Variants in TYW1 observed in about 807,000 individuals in gnomAD.
The protein encoded by TYW1 is tRNA-yW synthesizing protein 1 homolog, also known as S-adenosyl-L-methionine-dependent tRNA 4-demethylwyosine synthase TYW1.
Under a neutral mutation model 96.2 loss-of-function variants are expected in TYW1, and 46 were observed. That is an observed-to-expected ratio of 0.48 (90% confidence interval 0.38 to 0.61). The LOEUF is 0.61. Ranked by LOEUF, TYW1 falls within the 20% of genes least tolerant of loss-of-function variation. The pLI, the probability that TYW1 is intolerant of heterozygous loss-of-function variation, is 0.00. For missense variants in TYW1, 684 were observed against 909.6 expected (o/e 0.75, Z 3.19); for synonymous variants, 274 against 323.0 (o/e 0.85, Z 1.63).
chr7:67,160,287 C>T (rs908884249), intron 13 of TYW1, among the ~76,000 whole-genome samples: 2 of 152,036 alleles, frequency 1.3e-5, no homozygotes, highest in Non-Finnish European at 2.9e-5. Context: ...AAATTGTTTC[C>T]AATTTGTGTC....
intron 15 of TYW1, among the ~76,000 whole-genome samples, chr7:67,205,430 G>C (rs1178736629): frequency 6.6e-6 from 1 of 151,684 alleles, no homozygotes; most frequent in Non-Finnish European, 1.5e-5. Context: ...AGAAGTCCTG[G>C]TTCTCCACTA....
At chr7:67,162,744 A>G (rs1327608602) in intron 13 of TYW1, among the ~76,000 whole-genome samples, 1 of 152,206 alleles carries the variant, frequency 6.6e-6, no homozygotes, top group Non-Finnish European at 1.5e-5. Flanking sequence ...GCTTGAAGTC[A>G]TGGGAGTCTG....
At chr7:67,045,151 T>C (rs1274857880) in intron 7 of TYW1, among the ~76,000 whole-genome samples, 1 of 152,162 alleles carries the variant, frequency 6.6e-6, no homozygotes, top group East Asian at 1.9e-4. Context: ...TGGGTGGTAC[T>C]GTGGTTTCTG....
At chr7:67,091,501 CATGTTTACAT>C (rs897298106) in intron 11 of TYW1, among the ~76,000 whole-genome samples, 2 of 152,130 alleles carry the variant, frequency 1.3e-5, no homozygotes, top group Non-Finnish European at 2.9e-5. Flanking sequence ...CAACGTGGCA[CATGTTTACAT>C]ATGTAACAAA....
chr7:67,029,407 G>T (rs183169083), intron 7 of TYW1, among the ~76,000 whole-genome samples: 1 of 96,264 alleles, frequency 1.0e-5, no homozygotes, highest in African/African-American at 3.9e-5. Flanking sequence ...GTGTGTGTGT[G>T]TGTGTGTGTA....
At chr7:67,008,080 A>T (rs1793664451) in intron 3 of TYW1, among the ~76,000 whole-genome samples, 2 of 152,228 alleles carry the variant, frequency 1.3e-5, no homozygotes, top group Middle Eastern at 3.4e-3. Context: ...GTTCTATAGG[A>T]TGACTCACAG....
At chr7:67,007,954 C>A (rs1212065859) in intron 3 of TYW1, among the ~76,000 whole-genome samples, 6 of 151,994 alleles carry the variant, frequency 3.9e-5, no homozygotes, top group Admixed American at 6.6e-5. Flanking sequence ...TTTTTCTATA[C>A]CAGTTCTCAT....
intron 10 of TYW1, among the ~76,000 whole-genome samples, chr7:67,075,143 T>C (rs73134268): frequency 0.029 from 4,406 of 152,320 alleles, 104 homozygotes; most frequent in Admixed American, 0.047. Flanking sequence ...TAGACTGTTA[T>C]GGATAGATAA....
chr7:67,205,128 T>A (rs1800743598), intron 15 of TYW1, among the ~76,000 whole-genome samples: 1 of 152,028 alleles, frequency 6.6e-6, no homozygotes, highest in African/African-American at 2.4e-5. Context: ...AAATCTTCTG[T>A]CTTAGCCAGC....
rs1303583973 is a variant in TYW1 at position 67,139,891 on chromosome 7, G to A, written c.1698+22273G>A. Among the ~76,000 whole-genome samples, 6 of 151,984 alleles carry A rather than the reference G, an allele frequency of 3.9e-5. No homozygotes were observed. The East Asian group carries it at 1.2e-3, about 29-fold the overall frequency. On this transcript the variant is annotated intron_variant, in intron 13 of 15. Transcript: ENST00000359626. ...TTTGCTTCATGCTCTGTTAATGTAA[G>A]AGGAACAGAATCCCTTGGGTGTTAG...
intron 10 of TYW1, among the ~76,000 whole-genome samples, chr7:67,070,496 C>G (rs1657292140): frequency 6.6e-6 from 1 of 152,024 alleles, no homozygotes; most frequent in Admixed American, 6.6e-5. Flanking sequence ...TTCCACTTCA[C>G]TGAGGTTTTT....
intron 15 of TYW1, among the ~76,000 whole-genome samples, chr7:67,230,189 T>C (rs1400402735): frequency 6.6e-6 from 1 of 151,970 alleles, no homozygotes; most frequent in Non-Finnish European, 1.5e-5. Flanking sequence ...ATTCAAAAGA[T>C]AGGAATGTGA....
intron 15 of TYW1, among the ~76,000 whole-genome samples, chr7:67,197,969 C>G (rs1800458368): frequency 6.9e-6 from 1 of 145,586 alleles, no homozygotes; most frequent in Non-Finnish European, 1.5e-5. Context: ...GCCCCCCGCC[C>G]CCGCAGCATA....
chr7:67,066,514 T>C (rs1040229314), intron 9 of TYW1, among the ~76,000 whole-genome samples: 4 of 152,190 alleles, frequency 2.6e-5, no homozygotes, highest in Admixed American at 1.3e-4. Flanking sequence ...ATGTATTTCT[T>C]GTATACCTGC....
At chr7:67,223,533 A>G (rs1290357232) in intron 15 of TYW1, among the ~76,000 whole-genome samples, 2 of 151,612 alleles carry the variant, frequency 1.3e-5, no homozygotes, top group Middle Eastern at 3.2e-3. Context: ...AAGGTGGGAA[A>G]GAGAAAAGTG....
chr7:67,136,153 G>A (rs1798247650), intron 13 of TYW1, among the ~76,000 whole-genome samples: 1 of 152,112 alleles, frequency 6.6e-6, no homozygotes, highest in South Asian at 2.1e-4. Flanking sequence ...TCGTGTGTGG[G>A]AACCTGAATA....
intron 12 of TYW1, among the ~76,000 whole-genome samples, chr7:67,102,052 G>T (rs1389477339): frequency 2.6e-5 from 4 of 152,182 alleles, no homozygotes; most frequent in Non-Finnish European, 5.9e-5. Flanking sequence ...CATTGGGATA[G>T]AATGGTGTTT....
At chr7:67,056,364 C>T (rs1176098995) in intron 9 of TYW1, among the ~76,000 whole-genome samples, 1 of 151,872 alleles carries the variant, frequency 6.6e-6, no homozygotes, top group African/African-American at 2.4e-5. Flanking sequence ...TGGTGGTGGG[C>T]GTCTGTAATC....
At chr7:67,130,047 CT>C (rs199782990) in intron 13 of TYW1, among the ~76,000 whole-genome samples, 91 of 146,398 alleles carry the variant, frequency 6.2e-4, no homozygotes, top group Admixed American at 6.1e-4. Context: ...TTGATTTCTA[CT>C]TTTTTTTTTT....
Sources: gnomAD v4.1 joint callset for allele counts (sites outside exome capture counted in the v4.1 genomes callset) on GRCh38, gnomAD v4.1.1 for gene constraint, MANE v1.5 for transcripts, NCBI Gene and HGNC (gene_info 2026-07-23, HGNC 2026-07-21) for gene names.